RANBP2: variants seen among roughly 807,000 people sequenced by gnomAD.
RANBP2 encodes the protein E3 SUMO-protein ligase RanBP2.
Under a neutral mutation model 303.6 loss-of-function variants are expected in RANBP2, and 57 were observed. The ratio of observed to expected loss-of-function variants is 0.19; its 90% CI spans 0.15 to 0.23. The LOEUF (loss-of-function observed/expected upper bound fraction) is 0.23, where lower values mean the gene tolerates loss of function less well. Among genes scored for constraint, RANBP2 ranks in the 10% least tolerant of loss-of-function variants. RANBP2 has a pLI of 1.00. For synonymous variants in RANBP2, 1,167 were observed against 1,301.5 expected (o/e 0.90, Z 2.23); for missense variants, 3,138 against 3,780.8 (o/e 0.83, Z 4.46).
the RANBP2 span, among the ~76,000 whole-genome samples, chr2:108,837,237 A>G: frequency 6.6e-6 from 1 of 152,100 alleles, no homozygotes; most frequent in African/African-American, 2.4e-5. Flanking sequence ...GAGTATTTTT[A>G]TCATGAAAGG....
chr2:109,479,506 A>G, the RANBP2 span, among the ~76,000 whole-genome samples: 2 of 152,050 alleles, frequency 1.3e-5, no homozygotes, highest in African/African-American at 4.8e-5. Flanking sequence ...AATAAGTTCC[A>G]CCGTATCTGT....
the RANBP2 span, among the ~76,000 whole-genome samples, chr2:109,181,441 G>A: frequency 1.3e-5 from 2 of 152,040 alleles, no homozygotes; most frequent in African/African-American, 2.4e-5. Context: ...GTTGCATCTG[G>A]CGCTGTAAGG....
the RANBP2 span, among the ~76,000 whole-genome samples, chr2:109,121,673 G>T: frequency 6.6e-6 from 1 of 152,164 alleles, no homozygotes; most frequent in Non-Finnish European, 1.5e-5. Flanking sequence ...TAGCAAGTGG[G>T]AAAGACTTTA....
At chr2:108,929,234 A>G in the RANBP2 span, 2 of 1,614,126 alleles carry the variant, frequency 1.2e-6, no homozygotes, top group Non-Finnish European at 1.7e-6. Context: ...GTCATTCTCC[A>G]TGTCCCCTGG....
At chr2:108,879,975 C>G in the RANBP2 span, among the ~76,000 whole-genome samples, 1 of 151,948 alleles carries the variant, frequency 6.6e-6, no homozygotes, top group African/African-American at 2.4e-5. Context: ...AGGTGCAGTG[C>G]AACTAAAAAT....
chr2:109,195,650 C>G, the RANBP2 span, among the ~76,000 whole-genome samples: 6 of 152,324 alleles, frequency 3.9e-5, no homozygotes, highest in Non-Finnish European at 8.8e-5. Context: ...AGCCTCTGAC[C>G]GTGTGCCAGA....
chr2:109,152,474 G>A, the RANBP2 span, among the ~76,000 whole-genome samples: 1 of 152,192 alleles, frequency 6.6e-6, no homozygotes, highest in Admixed American at 6.5e-5. Flanking sequence ...GTGCCTGATG[G>A]GCCTACAGTG....
chr2:109,529,703 G>C, the RANBP2 span, among the ~76,000 whole-genome samples: 1 of 152,208 alleles, frequency 6.6e-6, no homozygotes, highest in Non-Finnish European at 1.5e-5. Flanking sequence ...GGCAGGAAGG[G>C]AATCTCAGAA....
At chr2:109,003,466 A>G in the RANBP2 span, among the ~76,000 whole-genome samples, 7 of 151,010 alleles carry the variant, frequency 4.6e-5, no homozygotes, top group Non-Finnish European at 1.0e-4. Context: ...ACTGGAGTGC[A>G]ATGGCATGAT....
the RANBP2 span, among the ~76,000 whole-genome samples, chr2:109,404,700 A>G: frequency 6.6e-6 from 1 of 152,032 alleles, no homozygotes; most frequent in Non-Finnish European, 1.5e-5. Context: ...ACCTTTGCGG[A>G]AGGCCCATTC....
the RANBP2 span, among the ~76,000 whole-genome samples, chr2:109,559,911 C>CTTT: frequency 0.012 from 1,388 of 117,492 alleles, 64 homozygotes; most frequent in African/African-American, 0.037. Context: ...CAACCAATGC[C>CTTT]TTTTTTTTTT....
chr2:109,667,826 G>A, the RANBP2 span: 2 of 188,330 alleles, frequency 1.1e-5, no homozygotes, highest in Middle Eastern at 1.4e-3. Context: ...GTCAGAGGGT[G>A]CAGAAGGCCA....
At chr2:109,015,885 G>A in the RANBP2 span, among the ~76,000 whole-genome samples, 1 of 152,180 alleles carries the variant, frequency 6.6e-6, no homozygotes, top group Non-Finnish European at 1.5e-5. Context: ...CTTATCAGTC[G>A]TTAAGTTTTT....
At chr2:109,053,092 G>T in the RANBP2 span, among the ~76,000 whole-genome samples, 9 of 152,178 alleles carry the variant, frequency 5.9e-5, no homozygotes, top group Non-Finnish European at 1.2e-4. Flanking sequence ...GGGTGAGGGC[G>T]CTGTGGTCCA....
At chr2:109,615,595 A>C in the RANBP2 span, 1 of 1,613,692 alleles carries the variant, frequency 6.2e-7, no homozygotes, top group Non-Finnish European at 8.5e-7. Flanking sequence ...GCCGATGTGG[A>C]CATCAGGGAC....
chr2:108,807,721 G>T, the RANBP2 span, among the ~76,000 whole-genome samples: 1 of 152,066 alleles, frequency 6.6e-6, no homozygotes, highest in African/African-American at 2.4e-5. Flanking sequence ...GGACTCAAGC[G>T]ATTCTCCTGC....
the RANBP2 span, among the ~76,000 whole-genome samples, chr2:109,626,710 G>T: frequency 0.018 from 2,734 of 152,268 alleles, 74 homozygotes; most frequent in African/African-American, 0.062. Flanking sequence ...GGCTCAACAG[G>T]ATGCTGCTCA....
At chr2:109,716,701 C>T in the RANBP2 span, among the ~76,000 whole-genome samples, 18 of 152,324 alleles carry the variant, frequency 1.2e-4, no homozygotes, top group African/African-American at 4.3e-4. Flanking sequence ...CACGCACCAC[C>T]ATGCCTGGCT....
chr2:109,515,213 G>A, the RANBP2 span, among the ~76,000 whole-genome samples: 4 of 152,294 alleles, frequency 2.6e-5, no homozygotes, highest in Admixed American at 6.5e-5. Flanking sequence ...ATGGAAACTC[G>A]GCGGCACCCA....
Sources: allele counts gnomAD v4.1 joint callset (sites outside exome capture counted in the v4.1 genomes callset), GRCh38; gene constraint gnomAD v4.1.1; transcripts MANE v1.5; gene names NCBI Gene and HGNC (gene_info 2026-07-23, HGNC 2026-07-21).